The following HECW1 variants were observed in gnomAD, a reference collection of about 807,000 sequenced individuals.
The protein encoded by HECW1 is HECT, C2 and WW domain containing E3 ubiquitin protein ligase 1.
In HECW1, 61 loss-of-function variants were observed where a neutral mutation model predicts 182.3. The observed-to-expected ratio is 0.33, with a 90% CI of 0.27 to 0.41. The LOEUF (loss-of-function observed/expected upper bound fraction) is 0.41. Ranked by LOEUF, HECW1 falls within the 10% of genes least tolerant of loss-of-function variation. The probability of loss-of-function intolerance (pLI) is 1.00; values close to 1 mark genes in which losing one functional copy is unlikely to be tolerated. For synonymous variants in HECW1, 859 were observed against 832.6 expected (o/e 1.03, Z -0.55); for missense variants, 1,739 against 2,108.9 (o/e 0.82, Z 3.44).
chr7:43,132,686 ATG>A (rs1787088774), intron 2 of HECW1, among the ~76,000 whole-genome samples: 1 of 152,028 alleles, frequency 6.6e-6, no homozygotes, highest in Non-Finnish European at 1.5e-5. Context: ...AGTGCCTTTT[ATG>A]TTATCTCTAA....
chr7:43,291,046 AG>A (rs1324724778), intron 3 of HECW1, among the ~76,000 whole-genome samples: 4 of 152,214 alleles, frequency 2.6e-5, no homozygotes, highest in South Asian at 2.1e-4. Flanking sequence ...TTAGATCTGC[AG>A]GGGGGAAAAA....
chr7:43,438,454 TA>T (rs1475017945), intron 9 of HECW1: 3 of 191,144 alleles, frequency 1.6e-5, no homozygotes, highest in Non-Finnish European at 3.2e-5. Flanking sequence ...AGGTAGAAAC[TA>T]AAGTTTGTTT....
chr7:43,343,565 C>T (rs71540522), intron 5 of HECW1, among the ~76,000 whole-genome samples: 4,924 of 151,796 alleles, frequency 0.032, 107 homozygotes, highest in Middle Eastern at 0.041. Context: ...TGTTTTCCAG[C>T]TTCATCCATG....
intron 5 of HECW1, among the ~76,000 whole-genome samples, chr7:43,324,264 G>A (rs1810505809): frequency 6.6e-6 from 1 of 152,050 alleles, no homozygotes; most frequent in African/African-American, 2.4e-5. Context: ...AGTATAATTT[G>A]TCAAAAAGTA....
chr7:43,156,540 T>C (rs759385232), intron 2 of HECW1, among the ~76,000 whole-genome samples: 1 of 152,220 alleles, frequency 6.6e-6, no homozygotes, highest in Non-Finnish European at 1.5e-5. Context: ...GTGTATCTAT[T>C]TCTATGTTTG....
intron 27 of HECW1, 112 bp from the exon 28 acceptor site, chr7:43,552,110 A>T: frequency 1.5e-6 from 1 of 682,826 alleles, no homozygotes; most frequent in Non-Finnish European, 2.7e-6. Flanking sequence ...AGACTCAAAA[A>T]AAGTATTGCC....
intron 2 of HECW1, chr7:43,118,504 A>C (rs1009843788): frequency 5.2e-5 from 8 of 152,438 alleles, no homozygotes; most frequent in Non-Finnish European, 1.2e-4. Context: ...TGATGAAATC[A>C]ATCAGCAAGT....
intron 2 of HECW1, among the ~76,000 whole-genome samples, chr7:43,215,416 T>C (rs1364296891): frequency 6.6e-6 from 1 of 152,264 alleles, no homozygotes; most frequent in African/African-American, 2.4e-5. Flanking sequence ...TGCTATGGAT[T>C]CCACTGTTGC....
intron 8 of HECW1, among the ~76,000 whole-genome samples, chr7:43,415,215 G>C (rs1325603469): frequency 6.7e-6 from 1 of 149,978 alleles, no homozygotes; most frequent in Non-Finnish European, 1.5e-5. Flanking sequence ...CTCTTTTAGG[G>C]CAGGCCTGGT....
intron 27 of HECW1, among the ~76,000 whole-genome samples, chr7:43,551,052 G>A (rs1283379860): frequency 6.6e-6 from 1 of 152,184 alleles, no homozygotes; most frequent in Non-Finnish European, 1.5e-5. Flanking sequence ...AAGACAGGGA[G>A]GGCCGCTAGA....
chr7:43,201,363 G>A (rs1291253778), intron 2 of HECW1, among the ~76,000 whole-genome samples: 3 of 152,226 alleles, frequency 2.0e-5, no homozygotes, highest in Non-Finnish European at 4.4e-5. Context: ...GTAGAGGCAG[G>A]ATGTACAGAG....
intron 5 of HECW1, among the ~76,000 whole-genome samples, chr7:43,349,811 G>T (rs577590263): frequency 2.0e-5 from 3 of 152,196 alleles, no homozygotes; most frequent in African/African-American, 7.2e-5. Flanking sequence ...CTGCGGTTCT[G>T]TATCTTTTAA....
chr7:43,541,718 T>G, intron 25 of HECW1, 151 bp from the exon 26 acceptor site: 1 of 621,938 alleles, frequency 1.6e-6, no homozygotes, highest in East Asian at 3.2e-5. Flanking sequence ...CTAAAATGAC[T>G]GAATAATCTG....
chr7:43,389,807 A>C (rs2074949969), intron 6 of HECW1, among the ~76,000 whole-genome samples: 1 of 151,982 alleles, frequency 6.6e-6, no homozygotes, highest in South Asian at 2.1e-4. Context: ...TGCCTGACTA[A>C]ATTTTTGTAG....
chr7:43,244,080 A>T lies in HECW1; in HGVS notation c.27+148A>T, dbSNP rs531631725. The stretch of plus-strand genomic sequence containing the variant: ...AAGTGTGGCTGGACATTTGAGATCC[A>T]TCACCCTCCCTCCCCACCACCTGCA... On this transcript the variant is annotated intron_variant, in intron 3 of 29. Transcript: ENST00000395891. 3 of 728,080 alleles carry T rather than the reference A, an allele frequency of 4.1e-6. No individual in the cohort carries two copies. In the Admixed American group the frequency reaches 5.9e-5, roughly 14 times the overall value. The allele number at this position is 728,080 out of a possible 1,614,324, so 45.1% of individuals were successfully genotyped here. A position where few individuals can be genotyped will look rare whatever the true frequency, so the allele number is the denominator to read the frequency against.
chr7:43,546,181 T>C (rs1397418537), intron 26 of HECW1, among the ~76,000 whole-genome samples: 1 of 151,534 alleles, frequency 6.6e-6, no homozygotes, highest in Non-Finnish European at 1.5e-5. Flanking sequence ...CTCTTGAATT[T>C]CTCCAAGATC....
chr7:43,310,987 T>C (rs1808430647), intron 3 of HECW1, among the ~76,000 whole-genome samples: 1 of 152,210 alleles, frequency 6.6e-6, no homozygotes, highest in Non-Finnish European at 1.5e-5. Flanking sequence ...CCTTCTGTAT[T>C]TTCAAAGTTA....
At chr7:43,550,818 G>A (rs2081790717) in intron 27 of HECW1, among the ~76,000 whole-genome samples, 1 of 152,212 alleles carries the variant, frequency 6.6e-6, no homozygotes, top group South Asian at 2.1e-4. Context: ...AACTCTTATG[G>A]GTGAAAAATG....
intron 8 of HECW1, among the ~76,000 whole-genome samples, chr7:43,414,264 G>T (rs1451939593): frequency 6.7e-6 from 1 of 148,650 alleles, no homozygotes; most frequent in Admixed American, 6.7e-5. Context: ...TTTATCTGTT[G>T]TTGGTGTATA....
Sources: allele counts gnomAD v4.1 joint callset (sites outside exome capture counted in the v4.1 genomes callset), GRCh38; gene constraint gnomAD v4.1.1; transcripts MANE v1.5; gene names NCBI Gene and HGNC (gene_info 2026-07-23, HGNC 2026-07-21).